The following ADGRL2 variants were observed in gnomAD, a reference collection of about 807,000 sequenced individuals.
The protein encoded by ADGRL2 is adhesion G protein-coupled receptor L2.
ADGRL2 carries 44 observed loss-of-function variants against 157.4 expected under a neutral mutation model. That is an observed-to-expected ratio of 0.28 (90% CI 0.22 to 0.36). ADGRL2 has a LOEUF of 0.36. Ranked by LOEUF, ADGRL2 falls within the 10% of genes least tolerant of loss-of-function variation. The pLI, the probability that ADGRL2 is intolerant of heterozygous loss-of-function variation, is 1.00. For missense variants in ADGRL2, 1,510 were observed against 1,768.9 expected, an observed-to-expected ratio of 0.85 and a Z score of 2.63; for synonymous variants, 585 against 624.7, an observed-to-expected ratio of 0.94 and a Z score of 0.95.
intron 2 of ADGRL2, among the ~76,000 whole-genome samples, chr1:81,520,910 G>A (rs191046188): frequency 2.0e-3 from 306 of 152,276 alleles, no homozygotes; most frequent in Non-Finnish European, 2.2e-3. Context: ...CCAGGATTGT[G>A]CCCACCACAG....
rs1194293923 is a variant in ADGRL2, at chr1:81,993,725, G to A, written c.*2580G>A. Among the ~76,000 whole-genome samples the A allele has an allele frequency of 6.6e-6, 1 of 152,102 alleles. No homozygotes were observed. Reference sequence around the variant, plus strand: ...CTAAACTACTGACTGTTTTAATGCAGATGCGTTATTGTATTTATTAACCCA... The same window carrying A: ...CTAAACTACTGACTGTTTTAATGCAAATGCGTTATTGTATTTATTAACCCA... On this transcript the variant is annotated 3_prime_UTR_variant, in exon 24 of 24. Transcript: ENST00000686636.
intron 11 of ADGRL2, among the ~76,000 whole-genome samples, chr1:81,960,092 T>G (rs937791186): frequency 3.3e-5 from 5 of 152,078 alleles, no homozygotes; most frequent in African/African-American, 1.2e-4. Flanking sequence ...GAACCACCAT[T>G]CCTGGCCAAG....
At chr1:81,520,949 A>G (rs2079300130) in intron 2 of ADGRL2, among the ~76,000 whole-genome samples, 1 of 152,204 alleles carries the variant, frequency 6.6e-6, no homozygotes, top group South Asian at 2.1e-4. Context: ...GATTTCCAGC[A>G]TTCTAGCCAA....
intron 3 of ADGRL2, among the ~76,000 whole-genome samples, chr1:81,933,984 A>G (rs1009013632): frequency 6.6e-6 from 1 of 152,104 alleles, no homozygotes; most frequent in Non-Finnish European, 1.5e-5. Context: ...GTATATAAAC[A>G]TATGAAATTT....
chr1:81,608,914 C>G (rs139563364), intron 3 of ADGRL2, among the ~76,000 whole-genome samples: 313 of 152,268 alleles, frequency 2.1e-3, no homozygotes, highest in African/African-American at 7.3e-3. Flanking sequence ...TTCGAGATCT[C>G]AGGCTCTGGT....
At chr1:81,972,594 G>C (rs537756086) in intron 17 of ADGRL2, among the ~76,000 whole-genome samples, 2 of 152,022 alleles carry the variant, frequency 1.3e-5, no homozygotes, top group East Asian at 1.9e-4. Flanking sequence ...TGTAGCTACA[G>C]TATCTAGACT....
At chr1:81,508,748 G>T (rs533624955) in intron 2 of ADGRL2, among the ~76,000 whole-genome samples, 2 of 152,166 alleles carry the variant, frequency 1.3e-5, no homozygotes, top group African/African-American at 4.8e-5. Flanking sequence ...AATCACACAC[G>T]AGGGTACCGC....
At chr1:81,475,804 G>T (rs915144751) in intron 2 of ADGRL2, among the ~76,000 whole-genome samples, 14 of 152,144 alleles carry the variant, frequency 9.2e-5, no homozygotes, top group Non-Finnish European at 2.1e-4. Flanking sequence ...TGTCAACTTG[G>T]GTTAATAGTG....
intron 1 of ADGRL2, among the ~76,000 whole-genome samples, chr1:81,363,225 G>A (rs1257743876): frequency 6.6e-6 from 1 of 151,952 alleles, no homozygotes; most frequent in African/African-American, 2.4e-5. Flanking sequence ...ACTGAGTAGG[G>A]AACATTGATT....
chr1:81,535,760 T>C (rs948325231), intron 2 of ADGRL2, among the ~76,000 whole-genome samples: 7 of 152,150 alleles, frequency 4.6e-5, no homozygotes, highest in South Asian at 2.1e-4. Context: ...TGATAAACAG[T>C]TATTTAGTAC....
At chr1:81,489,278 AAAAAG>A (rs2078579400) in intron 2 of ADGRL2, among the ~76,000 whole-genome samples, 1 of 152,012 alleles carries the variant, frequency 6.6e-6, no homozygotes, top group Non-Finnish European at 1.5e-5. Context: ...TGGAAAATCT[AAAAAG>A]AAACTAAAAA....
At chr1:81,990,127 C>T (rs1664285482) in intron 23 of ADGRL2, 7 of 985,200 alleles carry the variant, frequency 7.1e-6, no homozygotes, top group Middle Eastern at 5.2e-4. Context: ...TTAATCAGTA[C>T]TGTCTCCTGA....
intron 2 of ADGRL2, among the ~76,000 whole-genome samples, chr1:81,879,827 G>T (rs1557833473): frequency 6.6e-6 from 1 of 152,164 alleles, no homozygotes; most frequent in East Asian, 1.9e-4. Context: ...AGGAGTTTGA[G>T]ACCAGCCTGG....
intron 1 of ADGRL2, chr1:81,721,687 C>T: frequency 3.9e-6 from 5 of 1,284,184 alleles, no homozygotes; most frequent in Non-Finnish European, 5.5e-6. Flanking sequence ...CCACTGCTTC[C>T]TGACCATGGA....
At chr1:81,359,414 G>C (rs543417621) in intron 1 of ADGRL2, among the ~76,000 whole-genome samples, 1 of 151,842 alleles carries the variant, frequency 6.6e-6, no homozygotes, top group Non-Finnish European at 1.5e-5. Flanking sequence ...AATATACATC[G>C]CTATCCCTAG....
In ADGRL2 at chr1:81,335,849, C is replaced by A. The variant is rs865831252; in HGVS notation, c.-302+29340C>A. ...ATATAGTGTTTAAAAAAAAAAAAAA[C>A]AAAAAACAAAAAACAAACAAAAAAG... is the stretch of plus-strand genomic sequence containing the variant. On this transcript the variant is annotated intron_variant, in intron 1 of 24. Transcript: ENST00000370721. Among the ~76,000 whole-genome samples the A allele has an allele frequency of 2.6e-3, 380 of 146,312 alleles. 1 individual carries two copies. Among genetic ancestry groups the A allele is most frequent in the East Asian group, 9.5e-3 (47 of 4,968 alleles).
upstream of ADGRL2, among the ~76,000 whole-genome samples, chr1:81,697,586 G>A (rs1182397471): frequency 2.6e-5 from 4 of 152,048 alleles, no homozygotes; most frequent in Non-Finnish European, 5.9e-5. Flanking sequence ...CATAGTAGCC[G>A]CTCAGATGTC....
At chr1:81,921,589 A>G (rs1287099649) in intron 3 of ADGRL2, among the ~76,000 whole-genome samples, 2 of 152,210 alleles carry the variant, frequency 1.3e-5, no homozygotes, top group Admixed American at 6.5e-5. Context: ...AAGCCTGCAC[A>G]TGGTGTTAGT....
chr1:81,711,836 C>T (rs2083940289), intron 1 of ADGRL2, among the ~76,000 whole-genome samples: 1 of 152,192 alleles, frequency 6.6e-6, no homozygotes, highest in African/African-American at 2.4e-5. Flanking sequence ...AGAGGATCTG[C>T]TGACTTCACT....
Sources: gnomAD v4.1 joint callset for allele counts (sites outside exome capture counted in the v4.1 genomes callset) on GRCh38, gnomAD v4.1.1 for gene constraint, MANE v1.5 for transcripts, NCBI Gene and HGNC (gene_info 2026-07-23, HGNC 2026-07-21) for gene names.